SLC24A3: variants seen among roughly 807,000 people sequenced by gnomAD.
SLC24A3 encodes sodium/potassium/calcium exchanger 3.
Under a neutral mutation model 75.8 loss-of-function variants are expected in SLC24A3, and 28 were observed. That is an observed-to-expected ratio of 0.37 (90% CI 0.27 to 0.51). The LOEUF (loss-of-function observed/expected upper bound fraction) is 0.51, where lower values mean the gene tolerates loss of function less well. Among genes scored for constraint, SLC24A3 ranks in the 20% least tolerant of loss-of-function variants. The probability of loss-of-function intolerance (pLI) is 0.94; values close to 1 mark genes in which losing one functional copy is unlikely to be tolerated. For synonymous variants in SLC24A3, 372 were observed against 334.1 expected (o/e 1.11, Z -1.24); for missense variants, 663 against 847.8 (o/e 0.78, Z 2.71).
chr20:19,334,769 A>G (rs1451715308), intron 2 of SLC24A3, among the ~76,000 whole-genome samples: 2 of 152,190 alleles, frequency 1.3e-5, no homozygotes, highest in East Asian at 3.9e-4. Flanking sequence ...GCCAGGAAAC[A>G]TGGACGCTGG....
At chr20:19,536,578 A>G (rs1460157041) in intron 3 of SLC24A3, among the ~76,000 whole-genome samples, 1 of 152,226 alleles carries the variant, frequency 6.6e-6, no homozygotes, top group East Asian at 1.9e-4. Flanking sequence ...GTCAATCCTA[A>G]GCCAAAAGAA....
intron 2 of SLC24A3, among the ~76,000 whole-genome samples, chr20:19,491,172 CA>C (rs1355574043): frequency 6.6e-6 from 1 of 152,142 alleles, no homozygotes; most frequent in Non-Finnish European, 1.5e-5. Context: ...ATAGCAGCAC[CA>C]ACCTTCTTTC....
intron 1 of SLC24A3, among the ~76,000 whole-genome samples, chr20:19,246,357 T>A (rs991561019): frequency 6.6e-6 from 1 of 152,158 alleles, no homozygotes; most frequent in Non-Finnish European, 1.5e-5. Context: ...ATCAGTGGAA[T>A]GGTCAAAACT....
intron 2 of SLC24A3, among the ~76,000 whole-genome samples, chr20:19,419,441 A>G (rs1019390338): frequency 6.6e-5 from 10 of 152,104 alleles, no homozygotes; most frequent in African/African-American, 2.2e-4. Context: ...CACTGAATGC[A>G]AGGACCGGGG....
At chr20:19,376,789 T>C (rs1986090510) in intron 2 of SLC24A3, among the ~76,000 whole-genome samples, 1 of 152,164 alleles carries the variant, frequency 6.6e-6, no homozygotes, top group African/African-American at 2.4e-5. Flanking sequence ...GAGGACCCTG[T>C]GTTCCTAATT....
chr20:19,721,078 T>A lies in SLC24A3; in HGVS notation c.1873T>A (p.Ser625Thr). Residue 625 changes from serine to threonine, a missense_variant, in exon 17 of 17, where the codon TCC (serine) becomes ACC (threonine). Physicochemically the swap from Ser to Thr is moderately conservative, Grantham distance 58. This residue lies in a region of SLC24A3 where 510 missense variants were observed against 703.6 expected (regional missense o/e 0.72). Transcript: ENST00000328041. ...CCTGTATGGTGTGTTCCTGTGCTTCTCCATCATGACTGAGTTCAACGTGTT... is the reference window on the plus strand; with the variant it reads ...CCTGTATGGTGTGTTCCTGTGCTTCACCATCATGACTGAGTTCAACGTGTT... Reference protein sequence around the residue: ...LLLYGVFLCFSIMTEFNVFTF... With the variant: ...LLLYGVFLCFTIMTEFNVFTF... The A allele has an allele frequency of 6.2e-7, 1 of 1,614,122 alleles. No homozygotes were observed.
intron 2 of SLC24A3, among the ~76,000 whole-genome samples, chr20:19,310,228 A>G (rs561088603): frequency 1.7e-4 from 26 of 152,154 alleles, no homozygotes; most frequent in African/African-American, 6.0e-4. Flanking sequence ...AACCCTTGCT[A>G]CTCAGAGTGT....
chr20:19,718,281 A>G (rs1318835642), intron 16 of SLC24A3, among the ~76,000 whole-genome samples: 3 of 152,238 alleles, frequency 2.0e-5, no homozygotes, highest in South Asian at 4.1e-4. Context: ...AGTTTACAGG[A>G]TCAGGGTGTG....
intron 2 of SLC24A3, 81 bp downstream of exon 2, chr20:19,281,168 T>C (rs1301248810): frequency 1.2e-5 from 19 of 1,566,758 alleles, no homozygotes; most frequent in Middle Eastern, 1.8e-4. Context: ...CTGTGTGTTT[T>C]CTTAGAATTT....
chr20:19,592,069 C>T (rs2876538), intron 6 of SLC24A3, among the ~76,000 whole-genome samples: 13,446 of 152,282 alleles, frequency 0.088, 699 homozygotes, highest in African/African-American at 0.13. Context: ...TTTCCACCAC[C>T]TACATGTGGG....
chr20:19,692,157 A>G (rs2032751563), intron 12 of SLC24A3, among the ~76,000 whole-genome samples: 1 of 152,164 alleles, frequency 6.6e-6, no homozygotes, highest in African/African-American at 2.4e-5. Context: ...TTCAAATGTT[A>G]TAATATAAAA....
chr20:19,679,442 A>G lies in SLC24A3; in HGVS notation c.768-2416A>G, dbSNP rs560957715. Reference sequence around the variant, plus strand: ...CAGGCAGGGAGGTTGCAGTGAGCCGAGATGGCAGCAGTACAGTCCAGCTTC... The same window carrying G: ...CAGGCAGGGAGGTTGCAGTGAGCCGGGATGGCAGCAGTACAGTCCAGCTTC... On this transcript the variant is annotated intron_variant, in intron 9 of 16. Coordinates refer to ENST00000328041, the MANE Select transcript of SLC24A3 (RefSeq NM_020689.4). 2.0e-5 allele frequency among the ~76,000 whole-genome samples: 3 copies of G among 152,072 alleles called. No homozygotes were observed. The East Asian group carries it at 5.8e-4, about 30-fold the overall frequency.
intron 2 of SLC24A3, among the ~76,000 whole-genome samples, chr20:19,402,916 A>C (rs1288725081): frequency 1.3e-5 from 2 of 152,230 alleles, no homozygotes; most frequent in Non-Finnish European, 2.9e-5. Context: ...CACTGGCCAC[A>C]CATGGCTCTT....
chr20:19,454,537 G>A (rs1987546038), intron 2 of SLC24A3, among the ~76,000 whole-genome samples: 2 of 152,120 alleles, frequency 1.3e-5, no homozygotes, highest in Admixed American at 6.6e-5. Flanking sequence ...CCCAGGCTTG[G>A]GGGGACTCTC....
At chr20:19,419,827 T>G (rs1454950021) in intron 2 of SLC24A3, among the ~76,000 whole-genome samples, 2 of 151,408 alleles carry the variant, frequency 1.3e-5, no homozygotes, top group Non-Finnish European at 2.9e-5. Flanking sequence ...GCCAAGTTTT[T>G]TTTTTTTTTT....
At chr20:19,491,465 C>A (rs943796185) in intron 2 of SLC24A3, among the ~76,000 whole-genome samples, 1 of 152,200 alleles carries the variant, frequency 6.6e-6, no homozygotes, top group Non-Finnish European at 1.5e-5. Flanking sequence ...AGCACAATGA[C>A]CTCAGGGCAG....
At chr20:19,523,303 G>A (rs547869058) in intron 3 of SLC24A3, among the ~76,000 whole-genome samples, 8 of 152,318 alleles carry the variant, frequency 5.3e-5, no homozygotes, top group African/African-American at 1.7e-4. Flanking sequence ...CAGGGCAGAC[G>A]TGTTTAGTTA....
At chr20:19,628,216 A>G (rs2031890054) in intron 6 of SLC24A3, among the ~76,000 whole-genome samples, 1 of 150,238 alleles carries the variant, frequency 6.7e-6, no homozygotes, top group Non-Finnish European at 1.5e-5. Flanking sequence ...AAAAAAAAAA[A>G]AAAAAAGAAA....
intron 2 of SLC24A3, among the ~76,000 whole-genome samples, chr20:19,461,567 C>G (rs1987676668): frequency 8.4e-6 from 1 of 118,946 alleles, no homozygotes; most frequent in Non-Finnish European, 1.6e-5. Context: ...GAGTCTTGCT[C>G]TGTCGCCCAG....
Sources: gnomAD v4.1 joint callset for allele counts (sites outside exome capture counted in the v4.1 genomes callset) on GRCh38, gnomAD v4.1.1 for gene constraint, gnomAD v4.1.1 regional missense constraint, MANE v1.5 for transcripts, NCBI Gene and HGNC (gene_info 2026-07-23, HGNC 2026-07-21) for gene names.